CACNA1H: variants seen among roughly 807,000 people sequenced by gnomAD.
The protein encoded by CACNA1H is voltage-dependent T-type calcium channel subunit alpha-1H.
CACNA1H carries 149 observed loss-of-function variants against 192.5 expected under a neutral mutation model. The ratio of observed to expected loss-of-function variants is 0.77; its 90% CI spans 0.68 to 0.89. The LOEUF (loss-of-function observed/expected upper bound fraction) is 0.89, where lower values mean the gene tolerates loss of function less well. CACNA1H is among the 40% of genes least tolerant of loss of function. The pLI is 0.00. For synonymous variants in CACNA1H, 2,202 were observed against 1,475.2 expected (o/e 1.49, Z -11.29); for missense variants, 4,257 against 3,423.5 (o/e 1.24, Z -6.08).
At chr16:1,197,506 C>T (rs1967124806) in intron 5 of CACNA1H, among the ~76,000 whole-genome samples, 1 of 152,162 alleles carries the variant, frequency 6.6e-6, no homozygotes, top group Admixed American at 6.5e-5. Flanking sequence ...TAGGAGAGAA[C>T]TAGGGAACTC....
At chr16:1,189,755 G>A (rs950951654) in intron 2 of CACNA1H, among the ~76,000 whole-genome samples, 1 of 152,074 alleles carries the variant, frequency 6.6e-6, no homozygotes, top group Admixed American at 6.5e-5. Flanking sequence ...TGGGGCTGAG[G>A]GACAGGATGG....
chr16:1,189,826 C>G (rs1008629180), intron 2 of CACNA1H, among the ~76,000 whole-genome samples: 1 of 152,194 alleles, frequency 6.6e-6, no homozygotes, highest in Non-Finnish European at 1.5e-5. Context: ...GTCTTCAGCC[C>G]TGTTCCCCTG....
chr16:1,158,916 C>A (rs996715245), intron 2 of CACNA1H, among the ~76,000 whole-genome samples: 1 of 151,276 alleles, frequency 6.6e-6, no homozygotes, highest in African/African-American at 2.4e-5. Context: ...CCCCGCAGAG[C>A]CCCCCCGCTC....
At chr16:1,188,845 T>G (rs893391989) in intron 2 of CACNA1H, among the ~76,000 whole-genome samples, 1 of 152,082 alleles carries the variant, frequency 6.6e-6, no homozygotes, top group African/African-American at 2.4e-5. Context: ...CCCTGGTACA[T>G]CCAGGACAGG....
intron 2 of CACNA1H, among the ~76,000 whole-genome samples, chr16:1,160,625 G>A (rs537564830): frequency 6.6e-6 from 1 of 152,338 alleles, no homozygotes; most frequent in East Asian, 1.9e-4. Context: ...CCTGGCCTCC[G>A]TGCACACTCC....
At chr16:1,210,757 C>T (rs1596456372) in intron 20 of CACNA1H, 30 bp from the exon 21 acceptor site, 1 of 1,596,916 alleles carries the variant, frequency 6.3e-7, no homozygotes, top group Non-Finnish European at 8.5e-7. Flanking sequence ...CACGCCTGAG[C>T]CTGAGCTCAG....
At chr16:1,155,578 G>C (rs1404089261) in intron 2 of CACNA1H, among the ~76,000 whole-genome samples, 3 of 152,158 alleles carry the variant, frequency 2.0e-5, no homozygotes, top group Non-Finnish European at 1.5e-5. Flanking sequence ...TGTGCAGACC[G>C]GAGAAGGGAA....
intron 5 of CACNA1H, among the ~76,000 whole-genome samples, chr16:1,196,606 T>A (rs962590266): frequency 1.3e-5 from 2 of 152,222 alleles, no homozygotes; most frequent in African/African-American, 2.4e-5. Context: ...CCGTGTCCCC[T>A]GCTGAGCAGC....
chr16:1,159,255 C>G (rs1004634997), intron 2 of CACNA1H, among the ~76,000 whole-genome samples: 5 of 152,166 alleles, frequency 3.3e-5, no homozygotes, highest in Non-Finnish European at 7.4e-5. Flanking sequence ...CGGGGCCCCT[C>G]GGACGGTGGG....
In CACNA1H at chr16:1,167,910, C is replaced by T. The variant is rs1963959990; in HGVS notation, c.299+13874C>T. Among the ~76,000 whole-genome samples the T allele has an allele frequency of 6.6e-6, 1 of 152,208 alleles. No homozygotes were observed. Among genetic ancestry groups the T allele is most frequent in the African/African-American group, 2.4e-5 (1 of 41,462 alleles). On this transcript the variant is annotated intron_variant, in intron 2 of 34. Coordinates refer to ENST00000348261, the MANE Select transcript of CACNA1H (RefSeq NM_021098.3). The surrounding 1 kb of genome is among the most constrained non-coding windows in gnomAD (Gnocchi z 4.2). ...GGTGCTCAGTAAGCACTCGCCCCACCAGTGCGTGGAGCACGTGGGGCCTCA... is the reference window on the plus strand; with the variant it reads ...GGTGCTCAGTAAGCACTCGCCCCACTAGTGCGTGGAGCACGTGGGGCCTCA...
intron 10 of CACNA1H, 36 bp downstream of exon 10, chr16:1,204,494 T>G: frequency 6.7e-7 from 1 of 1,489,178 alleles, no homozygotes; most frequent in Non-Finnish European, 9.0e-7. Context: ...GGGCTCCCTG[T>G]CAGGCTTGCA....
intron 2 of CACNA1H, among the ~76,000 whole-genome samples, chr16:1,185,705 GGCGTGCGTAGGGGCCGGA>G (rs1965955846): frequency 2.5e-4 from 2 of 8,098 alleles, no homozygotes; most frequent in Admixed American, 1.9e-3. Flanking sequence ...GTAGACGGTC[GGCGTGCGTAGGGGCCGGA>G]GGCGGGGTGT....
rs566589497 is a variant in CACNA1H, at chr16:1,202,383, G to A, written c.1933G>A (p.Gly645Arg). 1.1e-5 allele frequency: 17 copies of A among 1,551,418 alleles called. No homozygotes were observed. In the Admixed American group the frequency reaches 1.2e-4, roughly 11 times the overall value. ...KWAGGPPGTG[G>R]HGPLSLNSPD... ...GGCCGGTGGACCGCCAGGCACCGGG[G>A]GGCACGGCCCGTTGAGCTTGAACAG... The change falls in exon 9 of 35, where the codon GGG becomes AGG. Residue 645 changes from glycine (G) to arginine (R), a missense_variant. Gly to Arg is a moderately radical substitution (Grantham distance 125, BLOSUM62 -2). Transcript: ENST00000348261.
At position 1,221,524 on chromosome 16, in the gene CACNA1H, C is replaced by T. The variant is rs899488449; in HGVS notation, c.*530C>T. 1.1e-5 allele frequency: 5 copies of T among 460,306 alleles called. No homozygotes were observed. In the East Asian group the frequency reaches 1.7e-4, roughly 15 times the overall value. The allele number at this position is 460,306 out of a possible 1,614,324, so 28.5% of individuals were successfully genotyped here. On this transcript the variant is annotated 3_prime_UTR_variant, in exon 35 of 35. Coordinates refer to ENST00000348261, the MANE Select transcript of CACNA1H (RefSeq NM_021098.3). ...TCCGCTCGGGCCTTCCCAGAAGCGT[C>T]CTGTGACTCTGGGAGAGGTGACACC...
At chr16:1,163,774 C>A (rs1963467005) in intron 2 of CACNA1H, among the ~76,000 whole-genome samples, 1 of 152,242 alleles carries the variant, frequency 6.6e-6, no homozygotes, top group African/African-American at 2.4e-5. Flanking sequence ...GGGCCACGGG[C>A]TCTTGTGCCA....
At chr16:1,171,363 G>A (rs1964352417) in intron 2 of CACNA1H, among the ~76,000 whole-genome samples, 1 of 152,192 alleles carries the variant, frequency 6.6e-6, no homozygotes, top group Non-Finnish European at 1.5e-5. Context: ...TGGGCCAGTG[G>A]CCCTGGGGAC....
At chr16:1,158,687 G>A (rs975101475) in intron 2 of CACNA1H, among the ~76,000 whole-genome samples, 84 of 152,290 alleles carry the variant, frequency 5.5e-4, no homozygotes, top group African/African-American at 1.9e-3. Context: ...GGGACCGTGC[G>A]CCTCCCAGAC....
In CACNA1H at chr16:1,210,965, C is replaced by G. The variant is rs1412785981; in HGVS notation, c.4217C>G (p.Pro1406Arg). The change falls in exon 21 of 35, where the codon CCT becomes CGT. Residue 1406 changes from proline (P) to arginine (R), a missense_variant. By Grantham distance (103) the Pro-to-Arg change is moderately radical. Transcript: ENST00000348261. ...CTGCGTCTGCTGCGGACCCTGCGGCCTCTGAGGTGGGGGGCTCCCCGTGGG... is the reference window on the plus strand; with the variant it reads ...CTGCGTCTGCTGCGGACCCTGCGGCGTCTGAGGTGGGGGGCTCCCCGTGGG... ...RVLRLLRTLR[P>R]LRVISRAPGL... The G allele has an allele frequency of 6.3e-7, 1 of 1,595,354 alleles. No individual in the cohort carries two copies. The highest frequency in any genetic ancestry group is 8.5e-7 in the Non-Finnish European group (1 of 1,176,534).
In CACNA1H at chr16:1,212,494, T is replaced by G. The variant is rs752219389; in HGVS notation, c.4760-17T>G. The stretch of plus-strand genomic sequence containing the variant: ...CGCCACGCCCTCGGCCCTCAGACCA[T>G]CTCCTTGTCTTTCCAGGCACTTTCC... On this transcript the variant is annotated splice_polypyrimidine_tract_variant and intron_variant, in intron 25 of 34. Coordinates refer to ENST00000348261, the MANE Select transcript of CACNA1H (RefSeq NM_021098.3). The G allele has an allele frequency of 5.7e-5, 91 of 1,610,110 alleles. No homozygotes were observed. The highest frequency in any genetic ancestry group is 7.6e-5 in the Non-Finnish European group (90 of 1,178,798).
Sources: allele counts gnomAD v4.1 joint callset (sites outside exome capture counted in the v4.1 genomes callset), GRCh38; gene constraint gnomAD v4.1.1; non-coding constraint Gnocchi (gnomAD v3.1); transcripts MANE v1.5; gene names NCBI Gene and HGNC (gene_info 2026-07-23, HGNC 2026-07-21).